SLC2A9: variants seen among roughly 807,000 people sequenced by gnomAD.
SLC2A9 encodes the protein solute carrier family 2 member 9, also known as solute carrier family 2, facilitated glucose transporter member 9.
In SLC2A9, 39 loss-of-function variants were observed where a neutral mutation model predicts 50.6. The observed-to-expected ratio is 0.77, with a 90% CI of 0.60 to 1.01. The LOEUF (loss-of-function observed/expected upper bound fraction) is 1.01, where lower values mean the gene tolerates loss of function less well. Ranked by LOEUF, SLC2A9 falls within the 50% of genes least tolerant of loss-of-function variation. The pLI is 0.00. For missense variants in SLC2A9, 686 were observed against 677.6 expected (o/e 1.01, Z -0.14); for synonymous variants, 324 against 276.9 (o/e 1.17, Z -1.69).
downstream of SLC2A9, among the ~76,000 whole-genome samples, chr4:9,822,902 G>T: frequency 6.6e-6 from 1 of 152,084 alleles, no homozygotes; most frequent in Non-Finnish European, 1.5e-5. Context: ...AGCTTTTTCA[G>T]TCCATGTCCA....
At chr4:10,018,550 A>AGATAGATAGATGATT (rs200967335) in intron 2 of SLC2A9, among the ~76,000 whole-genome samples, 1 of 126,896 alleles carries the variant, frequency 7.9e-6, no homozygotes, top group African/African-American at 3.2e-5. Flanking sequence ...CAAAGATGAT[A>AGATAGATAGATGATT]GATAGATAGA....
intron 10 of SLC2A9, among the ~76,000 whole-genome samples, chr4:9,865,878 A>G (rs2139243): frequency 0.28 from 42,052 of 152,236 alleles, 6,396 homozygotes; most frequent in Admixed American, 0.39. Context: ...ACTGGTTTGC[A>G]GGAATCTGGC....
intron 3 of SLC2A9, chr4:9,995,895 A>G (rs1410086041): frequency 6.6e-6 from 1 of 152,258 alleles, no homozygotes; most frequent in Non-Finnish European, 1.5e-5. Flanking sequence ...TTCTGGCCCC[A>G]TCAGATTGAT....
intron 6 of SLC2A9, among the ~76,000 whole-genome samples, chr4:9,930,024 A>G (rs1745617856): frequency 6.6e-6 from 1 of 152,120 alleles, no homozygotes; most frequent in African/African-American, 2.4e-5. Context: ...CCAGATACAA[A>G]TTAGGGGTGG....
intron 11 of SLC2A9, among the ~76,000 whole-genome samples, chr4:9,831,890 C>T (rs900495689): frequency 1.1e-4 from 16 of 152,220 alleles, no homozygotes; most frequent in African/African-American, 2.4e-4. Flanking sequence ...CCACTCCCTT[C>T]GGACCTCAGC....
intron 5 of SLC2A9, among the ~76,000 whole-genome samples, chr4:9,979,450 C>T (rs1175636335): frequency 6.6e-6 from 1 of 152,114 alleles, no homozygotes; most frequent in African/African-American, 2.4e-5. Flanking sequence ...GTGGTTTAAT[C>T]TCTGCCTACC....
At chr4:9,831,680 T>C (rs1388271439) in intron 11 of SLC2A9, among the ~76,000 whole-genome samples, 4 of 152,182 alleles carry the variant, frequency 2.6e-5, no homozygotes, top group Admixed American at 2.6e-4. Context: ...TAGCTTGAGT[T>C]CTGGTGCCCA....
intron 5 of SLC2A9, among the ~76,000 whole-genome samples, chr4:9,975,421 C>T (rs1754624165): frequency 6.6e-6 from 1 of 151,900 alleles, no homozygotes; most frequent in Non-Finnish European, 1.5e-5. Flanking sequence ...AACAAATAAC[C>T]CCATTAAAAA....
chr4:9,930,246 C>G lies in SLC2A9; in HGVS notation c.815-9674G>C, dbSNP rs62294289. 8.3e-3 allele frequency among the ~76,000 whole-genome samples: 1,268 copies of G among 152,328 alleles called. 9 individuals are homozygous for G. The highest frequency in any genetic ancestry group is 0.037 in the Middle Eastern group (11 of 294). ...TTTCACCCAACCTTCCCTTCACCAT[C>G]ACTTTCATCAGAGCAAGACGGATAT... On this transcript the variant is annotated intron_variant, in intron 6 of 11. Transcript: ENST00000264784.
At chr4:9,793,792 A>C (rs1720258318) in intron 3 of SLC2A9, among the ~76,000 whole-genome samples, 3 of 152,340 alleles carry the variant, frequency 2.0e-5, no homozygotes, top group Non-Finnish European at 1.5e-5. Context: ...ACTGAAAACA[A>C]ATTCAAAGGT....
At chr4:10,026,898 G>T (rs1402930341) in intron 1 of SLC2A9, among the ~76,000 whole-genome samples, 1 of 152,106 alleles carries the variant, frequency 6.6e-6, no homozygotes, top group Non-Finnish European at 1.5e-5. Flanking sequence ...AGAAAAATTA[G>T]CCGGGTGTGC....
chr4:9,782,026 C>A, intron 3 of SLC2A9: 4 of 1,459,542 alleles, frequency 2.7e-6, no homozygotes, highest in East Asian at 2.4e-5. Flanking sequence ...CAGTCCAGCC[C>A]GAAATGCTGC....
intron 11 of SLC2A9, among the ~76,000 whole-genome samples, chr4:9,829,176 G>A (rs2109096823): frequency 6.6e-6 from 1 of 152,224 alleles, no homozygotes; most frequent in Non-Finnish European, 1.5e-5. Flanking sequence ...GGCTGAGGTG[G>A]GTGGATCACT....
chr4:9,833,055 C>A (rs961977011), intron 11 of SLC2A9, among the ~76,000 whole-genome samples: 1 of 152,280 alleles, frequency 6.6e-6, no homozygotes, highest in Non-Finnish European at 1.5e-5. Context: ...ACAGAAGCAG[C>A]TTGAAGTTAA....
chr4:9,795,399 G>C (rs745774462), downstream of SLC2A9, among the ~76,000 whole-genome samples: 1 of 152,174 alleles, frequency 6.6e-6, no homozygotes, highest in Non-Finnish European at 1.5e-5. Flanking sequence ...GCTTGTAGGT[G>C]AAAGTTAAAA....
intron 7 of SLC2A9, among the ~76,000 whole-genome samples, chr4:9,919,025 G>T (rs1743416492): frequency 6.6e-6 from 1 of 152,148 alleles, no homozygotes; most frequent in Non-Finnish European, 1.5e-5. Context: ...TGATGTCCCT[G>T]TGGAGAATTG....
At chr4:9,834,643 CAAT>C (rs770870325) in intron 11 of SLC2A9, among the ~76,000 whole-genome samples, 1 of 152,140 alleles carries the variant, frequency 6.6e-6, no homozygotes, top group Non-Finnish European at 1.5e-5. Flanking sequence ...ATACCGTCAG[CAAT>C]GGGTAGCCCA....
chr4:9,905,941 T>C (rs550182175), intron 8 of SLC2A9, among the ~76,000 whole-genome samples: 1 of 152,266 alleles, frequency 6.6e-6, no homozygotes, highest in Non-Finnish European at 1.5e-5. Flanking sequence ...TGGTCTTAGT[T>C]TCCTCAACTG....
At chr4:9,862,073 T>C (rs1279923776) in intron 10 of SLC2A9, among the ~76,000 whole-genome samples, 1 of 150,530 alleles carries the variant, frequency 6.6e-6, no homozygotes, top group African/African-American at 2.5e-5. Flanking sequence ...GCTGAAGGCA[T>C]GTAAAAAGAA....
Sources: allele counts gnomAD v4.1 joint callset (sites outside exome capture counted in the v4.1 genomes callset), GRCh38; gene constraint gnomAD v4.1.1; transcripts MANE v1.5; gene names NCBI Gene and HGNC (gene_info 2026-07-23, HGNC 2026-07-21).